SLC38A6: variants seen among roughly 807,000 people sequenced by gnomAD.
The protein encoded by SLC38A6 is solute carrier family 38 member 6, also known as N system amino acid transporter NAT-1.
SLC38A6 carries 73 observed loss-of-function variants against 65.0 expected under a neutral mutation model. The ratio of observed to expected loss-of-function variants is 1.12; its 90% confidence interval spans 0.93 to 1.37. SLC38A6 has a LOEUF of 1.37. Among genes scored for constraint, SLC38A6 ranks in the 40% most tolerant of loss-of-function variants. The pLI, the probability that SLC38A6 is intolerant of heterozygous loss-of-function variation, is 0.00. For missense variants in SLC38A6, 561 were observed against 531.1 expected (o/e 1.06, Z -0.55); for synonymous variants, 183 against 178.8 (o/e 1.02, Z -0.19).
At chr14:61,013,746 A>G (rs534164338) in intron 3 of SLC38A6, among the ~76,000 whole-genome samples, 1 of 152,350 alleles carries the variant, frequency 6.6e-6, no homozygotes, top group Non-Finnish European at 1.5e-5. Context: ...GTTTCTGCCA[A>G]GAGATCAGCT....
chr14:60,982,753 G>A, intron 2 of SLC38A6, 115 bp downstream of exon 2: 1 of 1,217,292 alleles, frequency 8.2e-7, no homozygotes, highest in Middle Eastern at 2.9e-4. Flanking sequence ...GTTATTTCTG[G>A]GGTTTTAGCA....
chr14:60,985,352 C>T (rs1053948702), intron 3 of SLC38A6, among the ~76,000 whole-genome samples: 3 of 152,192 alleles, frequency 2.0e-5, no homozygotes, highest in Admixed American at 2.0e-4. Flanking sequence ...TGTGTATATA[C>T]TTTTTCCCAT....
intron 15 of SLC38A6, among the ~76,000 whole-genome samples, chr14:61,062,803 C>T (rs991887304): frequency 1.3e-5 from 2 of 152,200 alleles, no homozygotes; most frequent in Non-Finnish European, 2.9e-5. Flanking sequence ...GCCTCAGCCT[C>T]CTGCATAGCT....
intron 15 of SLC38A6, among the ~76,000 whole-genome samples, chr14:61,065,031 G>A (rs546417135): frequency 8.7e-4 from 133 of 152,148 alleles, no homozygotes; most frequent in African/African-American, 3.0e-3. Flanking sequence ...TTTCAGTCTG[G>A]TTGCAGAGAA....
At chr14:61,031,267 A>G (rs567119448) in intron 6 of SLC38A6, among the ~76,000 whole-genome samples, 1 of 152,300 alleles carries the variant, frequency 6.6e-6, no homozygotes, top group South Asian at 2.1e-4. Flanking sequence ...GTTATTTCAC[A>G]TAGTTAAGTT....
At chr14:61,045,255 A>G (rs922655066) in intron 10 of SLC38A6, 91 bp from the exon 11 acceptor site, 4 of 809,132 alleles carry the variant, frequency 4.9e-6, no homozygotes, top group Non-Finnish European at 8.2e-6. Context: ...AATCAAATTG[A>G]TTTTTTAAAG....
At chr14:61,035,735 T>C (rs1308252401) in intron 6 of SLC38A6, among the ~76,000 whole-genome samples, 2 of 152,220 alleles carry the variant, frequency 1.3e-5, no homozygotes, top group Non-Finnish European at 2.9e-5. Flanking sequence ...TGGATTTTCT[T>C]CATGTGTATT....
intron 10 of SLC38A6, among the ~76,000 whole-genome samples, chr14:61,045,026 T>G (rs1230577559): frequency 6.6e-6 from 1 of 152,142 alleles, no homozygotes; most frequent in East Asian, 1.9e-4. Flanking sequence ...CTCATTTAAA[T>G]ATTATTTATC....
intron 15 of SLC38A6, among the ~76,000 whole-genome samples, chr14:61,067,701 GCA>G (rs763039288): frequency 6.0e-5 from 9 of 150,878 alleles, no homozygotes; most frequent in South Asian, 2.1e-4. Flanking sequence ...GAATATACAT[GCA>G]CACACACACA....
intron 5 of SLC38A6, among the ~76,000 whole-genome samples, chr14:61,027,408 A>G (rs1043436253): frequency 1.3e-5 from 2 of 152,150 alleles, no homozygotes; most frequent in African/African-American, 4.8e-5. Context: ...TTAGGAATCT[A>G]TACTAGGTGT....
Position 61,037,664 on chromosome 14 carries a change from T to C in SLC38A6, c.605T>C (p.Met202Thr), listed in dbSNP as rs760893837. The C allele has an allele frequency of 3.1e-6, 5 of 1,592,256 alleles. No homozygotes were observed. The Middle Eastern group carries it at 5.0e-4, about 159-fold the overall frequency. ...GYTSSLSFFF[M>T]MFFALVVIIK... Reference sequence around the variant, plus strand: ...ACAAGTAGTTTATCATTTTTCTTTATGATGTTCTTTGCTCTTGTGGTAAGT... The same window carrying C: ...ACAAGTAGTTTATCATTTTTCTTTACGATGTTCTTTGCTCTTGTGGTAAGT... Residue 202 changes from methionine (M) to threonine (T), a missense_variant, in exon 8 of 16, where the codon ATG becomes ACG. Physicochemically the swap from Met to Thr is moderately conservative, Grantham distance 81. Coordinates refer to ENST00000267488, the MANE Select transcript of SLC38A6 (RefSeq NM_153811.3).
intron 3 of SLC38A6, among the ~76,000 whole-genome samples, chr14:61,005,763 T>A (rs923152831): frequency 6.6e-6 from 1 of 151,590 alleles, no homozygotes; most frequent in African/African-American, 2.4e-5. Context: ...CTGCCCAAGG[T>A]AATTTATAGA....
At chr14:61,017,145 G>A (rs1047795652) in intron 4 of SLC38A6, among the ~76,000 whole-genome samples, 7 of 152,076 alleles carry the variant, frequency 4.6e-5, no homozygotes, top group Non-Finnish European at 7.4e-5. Context: ...TGGTTCAAGC[G>A]ATTCTCCTGC....
chr14:61,042,800 A>T (rs375983683), intron 8 of SLC38A6, among the ~76,000 whole-genome samples: 14 of 152,248 alleles, frequency 9.2e-5, no homozygotes, highest in Admixed American at 5.2e-4. Flanking sequence ...CTACTCTACA[A>T]ATAACCATAT....
At chr14:61,042,854 T>C (rs2041893345) in intron 8 of SLC38A6, among the ~76,000 whole-genome samples, 2 of 152,174 alleles carry the variant, frequency 1.3e-5, no homozygotes, top group South Asian at 4.1e-4. Flanking sequence ...CTGTTTTGAG[T>C]TGCACTTAAA....
chr14:60,981,709 C>T lies in SLC38A6; in HGVS notation c.105+327C>T, dbSNP rs555237876. The T allele has an allele frequency of 7.3e-5, 97 of 1,326,426 alleles. No individual in the cohort carries two copies. In the African/African-American group the frequency reaches 1.3e-3, roughly 18 times the overall value. The allele number at this position is 1,326,426 out of a possible 1,614,324, so 82.2% of individuals were successfully genotyped here. The stretch of plus-strand genomic sequence containing the variant: ...TGCTGTTAGTTAGTATTTTTGTCAC[C>T]TTATTTTCTCCACCAGTCTCGTGAG... On this transcript the variant is annotated intron_variant, in intron 1 of 15. Transcript: ENST00000267488.
chr14:61,081,321 T>G (rs4899027), intron 16 of SLC38A6, among the ~76,000 whole-genome samples: 90,270 of 115,462 alleles, frequency 0.78, 34,170 homozygotes, highest in Non-Finnish European at 0.84. Context: ...TGACCAGTGC[T>G]TTGGGTCATT....
At chr14:61,016,478 A>ATT (rs2040019137) in intron 4 of SLC38A6, among the ~76,000 whole-genome samples, 1 of 152,322 alleles carries the variant, frequency 6.6e-6, no homozygotes, top group African/African-American at 2.4e-5. Flanking sequence ...CAACTATTAT[A>ATT]TAAAGCCAGT....
intron 3 of SLC38A6, 53 bp from the exon 4 acceptor site, chr14:61,015,851 C>G: frequency 1.4e-6 from 2 of 1,431,838 alleles, no homozygotes; most frequent in Non-Finnish European, 9.6e-7. Context: ...TCTTTAGGAC[C>G]TGACACATAA....
Sources: gnomAD v4.1 joint callset for allele counts (sites outside exome capture counted in the v4.1 genomes callset) on GRCh38, gnomAD v4.1.1 for gene constraint, MANE v1.5 for transcripts, NCBI Gene and HGNC (gene_info 2026-07-23, HGNC 2026-07-21) for gene names.